GPR22: variants seen among roughly 807,000 people sequenced by gnomAD.
GPR22 encodes G-protein coupled receptor 22.
GPR22 carries 13 observed loss-of-function variants against 31.0 expected under a neutral mutation model. That is an observed-to-expected ratio of 0.42 (90% confidence interval 0.27 to 0.67). The LOEUF is 0.67. GPR22 is among the 30% of genes least tolerant of loss of function. GPR22 has a pLI of 0.25. For synonymous variants in GPR22, 191 were observed against 173.4 expected (o/e 1.10, Z -0.80); for missense variants, 368 against 509.6 (o/e 0.72, Z 2.67).
In GPR22 at chr7:107,474,888, T is replaced by G; in HGVS notation, c.828T>G (p.Gly276=). Residue 276 remains glycine (G), a synonymous_variant, in exon 3 of 3, where the codon GGT becomes GGG. Transcript: ENST00000304402. This position sits in a 1 kb window ranked among gnomAD's most constrained non-coding sequence, Gnocchi z 5.7. ...CTACAGACATGTCACAAAGCAGTGG[T>G]GGGAGAAATGTAGTCTTTGGTGTAA... ...HEATDMSQSS[G]GRNVVFGVRT... 1 of 1,613,218 alleles carries G rather than the reference T, an allele frequency of 6.2e-7. No homozygotes were observed.
chr7:107,471,507 C>CCCTG lies in GPR22; in HGVS notation c.-821_-820insCTGC, dbSNP rs1255788005. On this transcript the variant is annotated 5_prime_UTR_variant, in exon 2 of 3. Transcript: ENST00000304402. ...ACTTTAAGACATTAAGGAGTTAAAA[C>CCCTG]CAGGGAATAGGTCTACATTACTGAT... 1.3e-5 allele frequency: 2 copies of CCCTG among 151,826 alleles called. No individual in the cohort carries two copies. The highest frequency in any genetic ancestry group is 2.9e-5 in the Non-Finnish European group (2 of 67,886). 9.4% of individuals were successfully genotyped at this position (151,826 alleles called of 1,614,324 possible).
rs375309585 is a variant in GPR22, at chr7:107,474,514, C to G, written c.454C>G (p.Leu152Val). 5 of 1,612,810 alleles carry G rather than the reference C, an allele frequency of 3.1e-6. No homozygotes were observed. Among genetic ancestry groups the G allele is most frequent in the Non-Finnish European group, 4.2e-6 (5 of 1,179,130 alleles). ...CTCTGTAAAACCTGCAAACCGAATTCTGACAATGGGCAGAGCTGTAATGTT... is the reference window on the plus strand; with the variant it reads ...CTCTGTAAAACCTGCAAACCGAATTGTGACAATGGGCAGAGCTGTAATGTT... ...DISVKPANRI[L>V]TMGRAVMLMI... Residue 152 changes from leucine (L) to valine (V), a missense_variant, in exon 3 of 3, where the codon CTG becomes GTG. By Grantham distance (32) the Leu-to-Val change is conservative. Coordinates refer to ENST00000304402, the MANE Select transcript of GPR22 (RefSeq NM_005295.3). The surrounding 1 kb of genome is among the most constrained non-coding windows in gnomAD (Gnocchi z 5.7).
rs1796925193 is a variant in GPR22, at chr7:107,475,582, T to C, written c.*220T>C. 1 of 397,708 alleles carries C rather than the reference T, an allele frequency of 2.5e-6. No individual in the cohort carries two copies. The highest frequency in any genetic ancestry group is 4.7e-6 in the Non-Finnish European group (1 of 214,942). The allele number at this position is 397,708 out of a possible 1,614,324, so 24.6% of individuals were successfully genotyped here. ...TTGTTAAAGTACTATCATGTGTATA[T>C]TTTGTCAATATTATGTCCAACAGAA... On this transcript the variant is annotated 3_prime_UTR_variant, in exon 3 of 3. Coordinates refer to ENST00000304402, the MANE Select transcript of GPR22 (RefSeq NM_005295.3).
At chr7:107,473,899 C>T (rs1367971192) in intron 2 of GPR22, 136 bp from the exon 3 acceptor site, 8 of 492,674 alleles carry the variant, frequency 1.6e-5, no homozygotes, top group Non-Finnish European at 2.8e-5. Flanking sequence ...CTTAATTCTA[C>T]ATTTTCTATT....
chr7:107,474,418 G>A lies in GPR22; in HGVS notation c.358G>A (p.Ala120Thr). The change falls in exon 3 of 3, where the codon GCT (alanine) becomes ACT (threonine). Residue 120 changes from alanine to threonine, a missense_variant. Ala to Thr is a moderately conservative substitution (Grantham distance 58). Transcript: ENST00000304402. This position sits in a 1 kb window ranked among gnomAD's most constrained non-coding sequence, Gnocchi z 5.7. ...TGCTCTCATTTGCTGTTTCCATGAG[G>A]CTTGTGTATCTTTTGCAAGTGTCTC... is the stretch of plus-strand genomic sequence containing the variant. ...NTALICCFHE[A>T]CVSFASVSTA... The A allele has an allele frequency of 6.2e-7, 1 of 1,613,016 alleles. No homozygotes were observed. Among genetic ancestry groups the A allele is most frequent in the Non-Finnish European group, 8.5e-7 (1 of 1,179,308 alleles).
chr7:107,474,366 C>T lies in GPR22; in HGVS notation c.306C>T (p.Ile102=), dbSNP rs1036638774. 2.5e-6 allele frequency: 4 copies of T among 1,612,514 alleles called. No homozygotes were observed. The highest frequency in any genetic ancestry group is 4.5e-5 in the East Asian group (2 of 44,868). Residue 102 remains isoleucine (I), a synonymous_variant, in exon 3 of 3, where the codon ATC becomes ATT. Coordinates refer to ENST00000304402, the MANE Select transcript of GPR22 (RefSeq NM_005295.3). The surrounding 1 kb of genome is among the most constrained non-coding windows in gnomAD (Gnocchi z 5.7). ...CVGCIPLTIV[I]LLLSLESNTA... Reference sequence around the variant, plus strand: ...GATGTATTCCTCTAACTATAGTTATCCTTCTGCTTTCACTGGAGAGTAACA... The same window carrying T: ...GATGTATTCCTCTAACTATAGTTATTCTTCTGCTTTCACTGGAGAGTAACA...
rs774081941 is a variant in GPR22, at chr7:107,474,548, C to G, written c.488C>G (p.Ser163Cys). 1.2e-5 allele frequency: 19 copies of G among 1,609,924 alleles called. No individual in the cohort carries two copies. The Admixed American group carries it at 2.9e-4, about 24-fold the overall frequency. The stretch of plus-strand genomic sequence containing the variant: ...GGCAGAGCTGTAATGTTAATGATAT[C>G]CATTTGGATTTTTTCTTTTTTCTCT... ...TMGRAVMLMISIWIFSFFSFL... is the reference protein window; with the variant it reads ...TMGRAVMLMICIWIFSFFSFL... Residue 163 changes from serine (S) to cysteine (C), a missense_variant, in exon 3 of 3, where the codon TCC becomes TGC. Transcript: ENST00000304402. The surrounding 1 kb of genome is among the most constrained non-coding windows in gnomAD (Gnocchi z 5.7).
At position 107,475,496 on chromosome 7, in the gene GPR22, A is replaced by G. The variant is rs1173251114; in HGVS notation, c.*134A>G. 1 of 561,410 alleles carries G rather than the reference A, an allele frequency of 1.8e-6. No individual in the cohort carries two copies. The highest frequency in any genetic ancestry group is 3.2e-6 in the Non-Finnish European group (1 of 315,402). The allele number at this position is 561,410 out of a possible 1,614,324, so 34.8% of individuals were successfully genotyped here. On this transcript the variant is annotated 3_prime_UTR_variant, in exon 3 of 3. Coordinates refer to ENST00000304402, the MANE Select transcript of GPR22 (RefSeq NM_005295.3). ...GTTGTAAATTTTCAATGTGAATGTC[A>G]ATTAGATAGGTCATATATATTCAAT...
Position 107,474,418 on chromosome 7 carries a change from G to T in GPR22, c.358G>T (p.Ala120Ser). ...NTALICCFHEACVSFASVSTA... is the reference protein window; with the variant it reads ...NTALICCFHESCVSFASVSTA... ...TGCTCTCATTTGCTGTTTCCATGAG[G>T]CTTGTGTATCTTTTGCAAGTGTCTC... Residue 120 changes from alanine to serine, a missense_variant, in exon 3 of 3, where the codon GCT (alanine) becomes TCT (serine). Coordinates refer to ENST00000304402, the MANE Select transcript of GPR22 (RefSeq NM_005295.3). This position sits in a 1 kb window ranked among gnomAD's most constrained non-coding sequence, Gnocchi z 5.7. 6.2e-7 allele frequency: 1 copy of T among 1,613,016 alleles called. No individual in the cohort carries two copies. The highest frequency in any genetic ancestry group is 8.5e-7 in the Non-Finnish European group (1 of 1,179,308).
chr7:107,470,603 C>T (rs1164425021), intron 1 of GPR22, among the ~76,000 whole-genome samples, 158 bp downstream of exon 1: 1 of 152,166 alleles, frequency 6.6e-6, no homozygotes, highest in Admixed American at 6.6e-5. Context: ...AGACATGCTA[C>T]ATTTTAAATG....
Position 107,474,462 on chromosome 7 carries a change from T to G in GPR22, c.402T>G (p.Phe134Leu), listed in dbSNP as rs1403332837. The stretch of plus-strand genomic sequence containing the variant: ...GTGTCTCAACAGCAATCAACGTTTT[T>G]GCTATCACTTTGGACAGATATGACA... ...FASVSTAINV[F>L]AITLDRYDIS... The change falls in exon 3 of 3, where the codon TTT (phenylalanine) becomes TTG (leucine). Residue 134 changes from phenylalanine to leucine, a missense_variant. Phe to Leu is a conservative substitution (Grantham distance 22). Coordinates refer to ENST00000304402, the MANE Select transcript of GPR22 (RefSeq NM_005295.3). The surrounding 1 kb of genome is among the most constrained non-coding windows in gnomAD (Gnocchi z 5.7). The G allele has an allele frequency of 1.2e-6, 2 of 1,613,334 alleles. No homozygotes were observed. Among genetic ancestry groups the G allele is most frequent in the African/African-American group, 2.7e-5 (2 of 74,882 alleles).
rs777260511 is a variant in GPR22, at chr7:107,475,283, C to G, written c.1223C>G (p.Pro408Arg). ...GTAATACACAACTCTTGGATAGATCCTAAAAGAAACAAAAAAATTACCTTT... is the reference window on the plus strand; with the variant it reads ...GTAATACACAACTCTTGGATAGATCGTAAAAGAAACAAAAAAATTACCTTT... The part of the protein sequence containing the change: ...NAVIHNSWID[P>R]KRNKKITFED... The change falls in exon 3 of 3, where the codon CCT becomes CGT. Residue 408 changes from proline to arginine, a missense_variant. By Grantham distance (103) the Pro-to-Arg change is moderately radical. Coordinates refer to ENST00000304402, the MANE Select transcript of GPR22 (RefSeq NM_005295.3). The G allele has an allele frequency of 6.3e-7, 1 of 1,594,262 alleles. No individual in the cohort carries two copies. The highest frequency in any genetic ancestry group is 8.5e-7 in the Non-Finnish European group (1 of 1,170,298).
At chr7:107,476,961 GATA>G (rs1415949803), downstream of GPR22, among the ~76,000 whole-genome samples, 2 of 151,530 alleles carry the variant, frequency 1.3e-5, no homozygotes. Context: ...ATTTACTTCT[GATA>G]ATAATGTTAA....
At position 107,475,283 on chromosome 7, in the gene GPR22, C is replaced by T; in HGVS notation, c.1223C>T (p.Pro408Leu). ...NAVIHNSWID[P>L]KRNKKITFED... ...GTAATACACAACTCTTGGATAGATC[C>T]TAAAAGAAACAAAAAAATTACCTTT... Residue 408 changes from proline to leucine, a missense_variant, in exon 3 of 3, where the codon CCT becomes CTT. Pro to Leu is a moderately conservative substitution (Grantham distance 98). Transcript: ENST00000304402. The T allele has an allele frequency of 6.3e-7, 1 of 1,594,262 alleles. No individual in the cohort carries two copies. The highest frequency in any genetic ancestry group is 8.5e-7 in the Non-Finnish European group (1 of 1,170,298).
chr7:107,472,852 C>G (rs546115418), intron 2 of GPR22: 1 of 151,734 alleles, frequency 6.6e-6, no homozygotes. Flanking sequence ...AGTTGAAATG[C>G]TGTATTTGAA....
At chr7:107,475,919 T>C (rs569032130), downstream of GPR22, among the ~76,000 whole-genome samples, 1 of 151,420 alleles carries the variant, frequency 6.6e-6, no homozygotes, top group African/African-American at 2.4e-5. Context: ...CTTTTAAATG[T>C]AAAAAATCAT....
In GPR22 at chr7:107,475,216, G is replaced by A. The variant is rs1378740850; in HGVS notation, c.1156G>A (p.Val386Ile). ...CTTGAAAAGTAAAATGAAAAAGCGA[G>A]TTGTTTCTATAGTAGAAGCTGATCC... is the stretch of plus-strand genomic sequence containing the variant. Reference protein sequence around the residue: ...KVLKSKMKKRVVSIVEADPLP... With the variant: ...KVLKSKMKKRIVSIVEADPLP... Residue 386 changes from valine to isoleucine, a missense_variant, in exon 3 of 3, where the codon GTT becomes ATT. Val to Ile is a conservative substitution (Grantham distance 29). Coordinates refer to ENST00000304402, the MANE Select transcript of GPR22 (RefSeq NM_005295.3). 2.5e-6 allele frequency: 4 copies of A among 1,611,792 alleles called. No individual in the cohort carries two copies. The African/African-American group carries it at 4.0e-5, about 16-fold the overall frequency.
chr7:107,473,137 C>G (rs1263102432), intron 2 of GPR22: 2 of 151,740 alleles, frequency 1.3e-5, no homozygotes, highest in African/African-American at 4.8e-5. Flanking sequence ...CTCCTTTTCC[C>G]TAAAATTTCA....
Position 107,474,690 on chromosome 7 carries a change from T to TTATC in GPR22, c.631_634dup (p.His212LeufsTer29). ...AATACTACACTGAACTGGGAATGTA[T>TTATC]TATCACCTGTTAGTACAGATCCCAA... On this transcript the variant is annotated frameshift_variant, in exon 3 of 3. Coordinates refer to ENST00000304402, the MANE Select transcript of GPR22 (RefSeq NM_005295.3). LOFTEE classifies it high-confidence loss of function. This position sits in a 1 kb window ranked among gnomAD's most constrained non-coding sequence, Gnocchi z 5.7. 6.2e-7 allele frequency: 1 copy of TTATC among 1,610,510 alleles called. No individual in the cohort carries two copies.
Sources: allele counts gnomAD v4.1 joint callset (sites outside exome capture counted in the v4.1 genomes callset), GRCh38; gene constraint gnomAD v4.1.1; non-coding constraint Gnocchi (gnomAD v3.1); transcripts MANE v1.5; gene names NCBI Gene and HGNC (gene_info 2026-07-23, HGNC 2026-07-21).